CIMIP5: variants seen among roughly 807,000 people sequenced by gnomAD.
CIMIP5 encodes the protein uncharacterized protein C2orf50.
the CIMIP5 span, chr2:11,145,096 G>C: frequency 3.3e-5 from 5 of 152,160 alleles, no homozygotes; most frequent in African/African-American, 1.2e-4. Context: ...CAATTCTCCT[G>C]CTTCTGCCTC....
the CIMIP5 span, chr2:11,146,111 G>A: frequency 6.6e-6 from 1 of 152,224 alleles, no homozygotes; most frequent in Non-Finnish European, 1.5e-5. Flanking sequence ...AAATGGGGCA[G>A]GGGCTGAAAT....
At chr2:11,141,269 T>C in the CIMIP5 span, among the ~76,000 whole-genome samples, 48 of 152,056 alleles carry the variant, frequency 3.2e-4, no homozygotes, top group African/African-American at 1.0e-3. Context: ...GCTGAGATTA[T>C]AGGTGCACAC....
At chr2:11,152,071 T>C in the CIMIP5 span, among the ~76,000 whole-genome samples, 1 of 152,236 alleles carries the variant, frequency 6.6e-6, no homozygotes, top group African/African-American at 2.4e-5. Context: ...CGAGCGGGGA[T>C]TGCAGAACTG....
chr2:11,138,166 A>G, the CIMIP5 span, among the ~76,000 whole-genome samples: 2 of 152,200 alleles, frequency 1.3e-5, no homozygotes, highest in South Asian at 2.1e-4. Flanking sequence ...AGGAATGTTT[A>G]TTATCTGATG....
chr2:11,149,206 C>T, the CIMIP5 span, among the ~76,000 whole-genome samples: 1 of 151,666 alleles, frequency 6.6e-6, no homozygotes, highest in Non-Finnish European at 1.5e-5. Flanking sequence ...CTGCCTTAAC[C>T]AAACTATTAA....
At chr2:11,140,580 C>T in the CIMIP5 span, 19 of 1,505,538 alleles carry the variant, frequency 1.3e-5, no homozygotes, top group Admixed American at 1.0e-4. Flanking sequence ...GCCAAACATA[C>T]TTGCAATTGA....
chr2:11,148,977 G>A, the CIMIP5 span, among the ~76,000 whole-genome samples: 3 of 151,198 alleles, frequency 2.0e-5, no homozygotes, highest in East Asian at 3.9e-4. Flanking sequence ...CAGGTGATCC[G>A]CCCGCCTCGG....
At chr2:11,139,482 G>A in the CIMIP5 span, among the ~76,000 whole-genome samples, 2 of 152,182 alleles carry the variant, frequency 1.3e-5, no homozygotes, top group Non-Finnish European at 2.9e-5. Context: ...GCCAGTGCAA[G>A]CTAATACTAT....
At chr2:11,135,748 G>A in the CIMIP5 span, among the ~76,000 whole-genome samples, 2 of 150,768 alleles carry the variant, frequency 1.3e-5, no homozygotes, top group African/African-American at 4.9e-5. Flanking sequence ...TGCAAGTTCT[G>A]GCCAGGCTGG....
chr2:11,149,900 A>T, the CIMIP5 span, among the ~76,000 whole-genome samples: 2 of 152,128 alleles, frequency 1.3e-5, no homozygotes, highest in Non-Finnish European at 2.9e-5. Flanking sequence ...GAAAGTGCAG[A>T]GTGTGGTGAG....
the CIMIP5 span, chr2:11,140,381 A>G: frequency 5.4e-6 from 3 of 557,066 alleles, 1 homozygote; most frequent in South Asian, 1.5e-4. Context: ...TCTTAAAAAA[A>G]AAAAAAAAAA....
chr2:11,141,620 C>T, the CIMIP5 span, among the ~76,000 whole-genome samples: 7 of 152,156 alleles, frequency 4.6e-5, no homozygotes, highest in African/African-American at 1.7e-4. Context: ...GCATATCTCA[C>T]CCGTTATTTT....
chr2:11,148,891 G>T, the CIMIP5 span, among the ~76,000 whole-genome samples: 1 of 151,784 alleles, frequency 6.6e-6, no homozygotes, highest in Non-Finnish European at 1.5e-5. Context: ...CCGCCACCAT[G>T]CCTGGCTAAT....
chr2:11,145,333 G>C, the CIMIP5 span: 1 of 152,152 alleles, frequency 6.6e-6, no homozygotes. Context: ...GTCTCACTAT[G>C]TTGACCAGGC....
chr2:11,149,752 G>T, the CIMIP5 span, among the ~76,000 whole-genome samples: 1 of 151,830 alleles, frequency 6.6e-6, no homozygotes, highest in South Asian at 2.1e-4. Context: ...AATAAAAAAA[G>T]TCAATGTCAT....
chr2:11,146,311 C>G, the CIMIP5 span, among the ~76,000 whole-genome samples: 1 of 152,156 alleles, frequency 6.6e-6, no homozygotes, highest in African/African-American at 2.4e-5. Flanking sequence ...AGTGGTGAAG[C>G]TGGGGTTCAG....
chr2:11,137,234 A>G, the CIMIP5 span, among the ~76,000 whole-genome samples: 1 of 152,106 alleles, frequency 6.6e-6, no homozygotes, highest in Non-Finnish European at 1.5e-5. Flanking sequence ...TTAGCCAGGC[A>G]TGGTAGTGTG....
the CIMIP5 span, among the ~76,000 whole-genome samples, chr2:11,140,104 A>AT: frequency 1.5e-5 from 2 of 136,460 alleles, no homozygotes; most frequent in Non-Finnish European, 3.1e-5. Context: ...AAAAAAAAAA[A>AT]AGGCTGGGCG....
At chr2:11,146,092 AAG>A in the CIMIP5 span, 1 of 152,314 alleles carries the variant, frequency 6.6e-6, no homozygotes, top group East Asian at 1.9e-4. Flanking sequence ...GCCTCCAGAA[AAG>A]AGAGAAAAAT....
Sources: gnomAD v4.1 joint callset for allele counts (sites outside exome capture counted in the v4.1 genomes callset) on GRCh38, gnomAD v4.1.1 for gene constraint, MANE v1.5 for transcripts, NCBI Gene and HGNC (gene_info 2026-07-23, HGNC 2026-07-21) for gene names.